The following DENND2D variants were observed in gnomAD, a reference collection of about 807,000 sequenced individuals.
DENND2D encodes the protein DENN domain containing 2D.
DENND2D carries 37 observed loss-of-function variants against 59.8 expected under a neutral mutation model. The observed-to-expected ratio is 0.62, with a 90% CI of 0.48 to 0.81. DENND2D has a LOEUF of 0.81. Among genes scored for constraint, DENND2D ranks in the 40% least tolerant of loss-of-function variants. The pLI, the probability that DENND2D is intolerant of heterozygous loss-of-function variation, is 0.00. For missense variants in DENND2D, 525 were observed against 579.7 expected (o/e 0.91, Z 0.97); for synonymous variants, 219 against 211.3 (o/e 1.04, Z -0.31).
At position 111,194,743 on chromosome 1, in the gene DENND2D, G is replaced by A. The variant is rs1466999160; in HGVS notation, c.646-17C>T. On this transcript the variant is annotated splice_polypyrimidine_tract_variant and intron_variant, in intron 6 of 11. Transcript: ENST00000357640. ...TGAAATGAACTGTGGGGAAACCAGA[G>A]AGAGAGAAGGTGTCACTATACTGCA... 35 of 1,613,264 alleles carry A rather than the reference G, an allele frequency of 2.2e-5. No individual in the cohort carries two copies. The highest frequency in any genetic ancestry group is 2.6e-5 in the Non-Finnish European group (31 of 1,179,714).
chr1:111,195,010 G>T (rs1242169800), intron 6 of DENND2D: 5 of 403,274 alleles, frequency 1.2e-5, no homozygotes, highest in Non-Finnish European at 2.2e-5. Context: ...CATCTTTCCT[G>T]CCTGCAGCCT....
At chr1:111,199,545 G>A (rs1658589235) in intron 2 of DENND2D, 78 bp downstream of exon 2, 2 of 1,497,042 alleles carry the variant, frequency 1.3e-6, no homozygotes, top group South Asian at 1.3e-5. Context: ...GTAGGGAGAA[G>A]GAGGTGGAAC....
At position 111,197,455 on chromosome 1, in the gene DENND2D, C is replaced by T. The variant is rs146189540; in HGVS notation, c.427-202G>A. On this transcript the variant is annotated intron_variant, in intron 4 of 11. Coordinates refer to ENST00000357640, the MANE Select transcript of DENND2D (RefSeq NM_024901.5). ...GGGTGAGTTGGTGGGCAAGCGCTGC[C>T]ACCTTCAGTGCCAGCACAATCTGGG... The T allele has an allele frequency of 1.2e-5, 17 of 1,429,782 alleles. No individual in the cohort carries two copies. The East Asian group carries it at 4.0e-4, about 34-fold the overall frequency. The allele number at this position is 1,429,782 out of a possible 1,614,324, so 88.6% of individuals were successfully genotyped here.
chr1:111,199,273 A>G (rs1658564052), intron 2 of DENND2D, among the ~76,000 whole-genome samples: 1 of 152,104 alleles, frequency 6.6e-6, no homozygotes. Flanking sequence ...CAGAGAGGGG[A>G]TTCATTCTAG....
intron 7 of DENND2D, among the ~76,000 whole-genome samples, chr1:111,193,600 C>T (rs578166599): frequency 5.3e-5 from 8 of 152,234 alleles, no homozygotes; most frequent in Non-Finnish European, 1.2e-4. Flanking sequence ...TTCCTTTCCT[C>T]TGAAACCCAT....
intron 7 of DENND2D, among the ~76,000 whole-genome samples, chr1:111,192,998 T>C (rs1489998022): frequency 6.6e-6 from 1 of 152,188 alleles, no homozygotes; most frequent in Non-Finnish European, 1.5e-5. Flanking sequence ...CTCAAGACTT[T>C]CCAGTGAAGC....
rs557909053 is a variant in DENND2D at position 111,195,986 on chromosome 1, C to T, written c.575G>A (p.Arg192Gln). The T allele has an allele frequency of 3.7e-5, 59 of 1,614,018 alleles. 1 individual carries two copies. The highest frequency in any genetic ancestry group is 3.4e-4 in the South Asian group (31 of 91,070). The change falls in exon 6 of 12, where the codon CGA (arginine) becomes CAA (glutamine). Residue 192 changes from arginine (R) to glutamine (Q), a missense_variant. Transcript: ENST00000357640. ...CCCAGGAGCAGGGAAGGCTGCCTCT[C>T]GGAGGCCCTGCATGAACGGGTAGAT... ...AVIYPFMQGL[R>Q]EAAFPAPGKT...
chr1:111,191,047 G>A (rs1229390583), intron 8 of DENND2D, among the ~76,000 whole-genome samples: 2 of 152,172 alleles, frequency 1.3e-5, no homozygotes, highest in African/African-American at 4.8e-5. Context: ...GAGGAGCCAC[G>A]GCTTCCAGGG....
intron 4 of DENND2D, chr1:111,197,593 T>G: frequency 7.4e-7 from 1 of 1,348,720 alleles, no homozygotes; most frequent in Non-Finnish European, 9.5e-7. Context: ...TGAAACTAAT[T>G]GTCCAAGTCC....
At position 111,199,781 on chromosome 1, in the gene DENND2D, A is replaced by T; in HGVS notation, c.85T>A (p.Ser29Thr). The T allele has an allele frequency of 6.2e-7, 1 of 1,613,916 alleles. No homozygotes were observed. Among genetic ancestry groups the T allele is most frequent in the East Asian group, 2.2e-5 (1 of 44,864 alleles). ...TCTGGTTCCTTTAAAGCTTCCCCTG[A>T]ATTGTCCTGGGGTGGTCCTGAAATC... ...QLRAGPPQDNSGEALKEPERA... is the reference protein window; with the variant it reads ...QLRAGPPQDNTGEALKEPERA... The change falls in exon 2 of 12, where the codon TCA becomes ACA. Residue 29 changes from serine to threonine, a missense_variant. Coordinates refer to ENST00000357640, the MANE Select transcript of DENND2D (RefSeq NM_024901.5).
chr1:111,197,057 C>T (rs1330962508), intron 5 of DENND2D, 119 bp downstream of exon 5: 4 of 1,206,870 alleles, frequency 3.3e-6, no homozygotes, highest in South Asian at 2.7e-5. Context: ...CCCAAGTGTG[C>T]TTTAATGCTG....
upstream of DENND2D, among the ~76,000 whole-genome samples, chr1:111,203,196 G>C (rs1658978638): frequency 6.6e-6 from 1 of 152,252 alleles, no homozygotes; most frequent in Admixed American, 6.5e-5. Context: ...ACACTACAAA[G>C]AGGGAAGGAG....
chr1:111,193,763 AC>A (rs1333802606), intron 7 of DENND2D, among the ~76,000 whole-genome samples: 4 of 152,092 alleles, frequency 2.6e-5, no homozygotes, highest in Non-Finnish European at 5.9e-5. Flanking sequence ...CTGTTTTATG[AC>A]TTCTTTCATT....
In DENND2D at chr1:111,194,590, G is replaced by T. The variant is rs759933167; in HGVS notation, c.782C>A (p.Ala261Glu). 6.2e-7 allele frequency: 1 copy of T among 1,613,760 alleles called. No individual in the cohort carries two copies. Among genetic ancestry groups the T allele is most frequent in the African/African-American group, 1.3e-5 (1 of 74,858 alleles). Reference protein sequence around the residue: ...AVLERKIIFLAEGLSTLSQCI... With the variant: ...AVLERKIIFLEEGLSTLSQCI... ...GGGCTGGGCCCACCTGAGACCTTCC[G>T]CCAGGAAGATGATTTTTCTCTCCAG... Residue 261 changes from alanine (A) to glutamate (E), a missense_variant, in exon 7 of 12, where the codon GCG (alanine) becomes GAG (glutamate). Transcript: ENST00000357640.
rs1187510819 is a variant in DENND2D, at chr1:111,197,919, C to A, written c.426+1G>T. 2 of 1,613,770 alleles carry A rather than the reference C, an allele frequency of 1.2e-6. No homozygotes were observed. The highest frequency in any genetic ancestry group is 1.7e-6 in the Non-Finnish European group (2 of 1,180,040). On this transcript the variant is annotated splice_donor_variant, in intron 4 of 11. Coordinates refer to ENST00000357640, the MANE Select transcript of DENND2D (RefSeq NM_024901.5). LOFTEE classifies it high-confidence loss of function. ...AAGGGGCAGTTCTGAGCTGCACAGA[C>A]CAAGAGGCGCCTGCAGTATCCAATC...
At chr1:111,195,143 G>GT (rs922048127) in intron 6 of DENND2D, 160 of 162,760 alleles carry the variant, frequency 9.8e-4, no homozygotes, top group East Asian at 1.6e-3. Flanking sequence ...ACCCTGTTTT[G>GT]TTTTTTTTTC....
At position 111,200,374 on chromosome 1, in the gene DENND2D, T is replaced by A; in HGVS notation, c.67+19A>T. On this transcript the variant is annotated intron_variant, in intron 1 of 11. Transcript: ENST00000357640. Reference sequence around the variant, plus strand: ...GAGGGTCACCCTAAAAACAAGGAAGTAGGCAGTCCAGTCCTGACCTGCTCG... The same window carrying A: ...GAGGGTCACCCTAAAAACAAGGAAGAAGGCAGTCCAGTCCTGACCTGCTCG... 6.2e-7 allele frequency: 1 copy of A among 1,608,614 alleles called. No homozygotes were observed. The highest frequency in any genetic ancestry group is 8.5e-7 in the Non-Finnish European group (1 of 1,177,278).
intron 6 of DENND2D, 44 bp downstream of exon 6, chr1:111,195,872 A>G (rs1239631928): frequency 1.2e-6 from 2 of 1,612,314 alleles, no homozygotes; most frequent in South Asian, 2.2e-5. Flanking sequence ...ACAGATGCCT[A>G]CCCTCTCCAG....
Position 111,189,239 on chromosome 1 carries a change from A to G in DENND2D, c.987T>C (p.Asn329=). The G allele has an allele frequency of 6.2e-7, 1 of 1,614,202 alleles. No homozygotes were observed. Among genetic ancestry groups the G allele is most frequent in the Middle Eastern group, 1.7e-4 (1 of 6,060 alleles). The change falls in exon 9 of 12, where the codon AAT becomes AAC. Residue 329 remains asparagine (N), a synonymous_variant. Coordinates refer to ENST00000357640, the MANE Select transcript of DENND2D (RefSeq NM_024901.5). The part of the protein sequence containing the change: ...DSPMEEVLLV[N]LCEGTFLMSV... ...ACATTAAGAAGGTTCCTTCACAAAG[A>G]TTGACCAGCAGGACCTGAAATAAAC... is the stretch of plus-strand genomic sequence containing the variant.
Sources: gnomAD v4.1 joint callset for allele counts (sites outside exome capture counted in the v4.1 genomes callset) on GRCh38, gnomAD v4.1.1 for gene constraint, MANE v1.5 for transcripts, NCBI Gene and HGNC (gene_info 2026-07-23, HGNC 2026-07-21) for gene names.